The following PACRG variants were observed in gnomAD, a reference collection of about 807,000 sequenced individuals.
The protein encoded by PACRG is parkin coregulated.
A neutral mutation model predicts 29.7 loss-of-function variants in PACRG; 29 were observed. The observed-to-expected ratio is 0.98, with a 90% CI of 0.73 to 1.33. PACRG has a LOEUF of 1.33. Among genes scored for constraint, PACRG ranks in the 40% most tolerant of loss-of-function variants. PACRG has a pLI of 0.00. For synonymous variants in PACRG, 116 were observed against 118.7 expected, an observed-to-expected ratio of 0.98 and a Z score of 0.15; for missense variants, 279 against 316.2, an observed-to-expected ratio of 0.88 and a Z score of 0.89.
intron 2 of PACRG, among the ~76,000 whole-genome samples, chr6:163,001,436 G>C (rs1157361009): frequency 1.3e-5 from 2 of 152,160 alleles, no homozygotes; most frequent in Admixed American, 1.3e-4. Context: ...GGTGAGCCAA[G>C]AGTTTTTTAT....
chr6:162,855,603 G>C (rs1791322419), intron 2 of PACRG, among the ~76,000 whole-genome samples: 1 of 152,130 alleles, frequency 6.6e-6, no homozygotes, highest in South Asian at 2.1e-4. Flanking sequence ...AGACAACAGA[G>C]AGATCAGAGA....
At chr6:163,127,614 A>G (rs1489950897) in intron 4 of PACRG, among the ~76,000 whole-genome samples, 2 of 152,230 alleles carry the variant, frequency 1.3e-5, no homozygotes, top group Non-Finnish European at 2.9e-5. Flanking sequence ...TTCCTGGGCT[A>G]TAGAATTAGG....
At chr6:163,308,928 C>T (rs1785296664) in intron 4 of PACRG, among the ~76,000 whole-genome samples, 1 of 152,196 alleles carries the variant, frequency 6.6e-6, no homozygotes, top group Non-Finnish European at 1.5e-5. Context: ...AATCCTTTTA[C>T]TTGGGCCTTA....
At chr6:163,058,842 G>C (rs1180640100) in intron 2 of PACRG, among the ~76,000 whole-genome samples, 1 of 152,216 alleles carries the variant, frequency 6.6e-6, no homozygotes, top group African/African-American at 2.4e-5. Context: ...AGAGCTTGCA[G>C]TGAGCCGAGC....
chr6:163,107,114 G>T lies in PACRG; in HGVS notation c.613+17706G>T, dbSNP rs1815426269. Among the ~76,000 whole-genome samples, 2 of 151,886 alleles carry T rather than the reference G, an allele frequency of 1.3e-5. 1 individual carries two copies. Among genetic ancestry groups the T allele is most frequent in the South Asian group, 4.2e-4 (2 of 4,812 alleles). ...AGAGAGAGGGAGAGAAATAGATAAA[G>T]GAAAAAGAAGGTCAGTGAATATGAT... On this transcript the variant is annotated intron_variant, in intron 4 of 4. Transcript: ENST00000366888.
intron 4 of PACRG, among the ~76,000 whole-genome samples, chr6:163,273,391 C>A (rs1192273788): frequency 6.6e-6 from 1 of 152,002 alleles, no homozygotes; most frequent in East Asian, 1.9e-4. Context: ...GTTGTTGTTT[C>A]CCTAAGCTCT....
At chr6:162,801,121 A>T (rs1318034844) in intron 1 of PACRG, among the ~76,000 whole-genome samples, 3 of 151,922 alleles carry the variant, frequency 2.0e-5, no homozygotes, top group Non-Finnish European at 4.4e-5. Context: ...AATATTTGTC[A>T]ATTTTCTTTT....
intron 2 of PACRG, among the ~76,000 whole-genome samples, chr6:162,945,815 G>A (rs1386262263): frequency 1.3e-5 from 2 of 151,978 alleles, no homozygotes; most frequent in Admixed American, 1.3e-4. Flanking sequence ...AGACCACAAT[G>A]AAATCAAACT....
At chr6:163,108,954 T>A (rs1389606024) in intron 4 of PACRG, among the ~76,000 whole-genome samples, 1 of 152,212 alleles carries the variant, frequency 6.6e-6, no homozygotes, top group Non-Finnish European at 1.5e-5. Context: ...TAAAGTCGCT[T>A]GTTTCTTCAG....
chr6:163,177,050 G>A (rs939157394), intron 4 of PACRG, among the ~76,000 whole-genome samples: 1 of 152,162 alleles, frequency 6.6e-6, no homozygotes, highest in African/African-American at 2.4e-5. Context: ...GACTGTTGCT[G>A]TATCCGGGAC....
chr6:163,208,057 C>T (rs1392948204), intron 4 of PACRG, among the ~76,000 whole-genome samples: 1 of 152,222 alleles, frequency 6.6e-6, no homozygotes, highest in East Asian at 1.9e-4. Context: ...CTTCTCTCTT[C>T]ACAGTTGTCT....
At chr6:163,101,294 T>G (rs1255115658) in intron 4 of PACRG, 1 of 982,752 alleles carries the variant, frequency 1.0e-6, no homozygotes, top group East Asian at 1.1e-4. Flanking sequence ...GATTATTGCC[T>G]GGTAATTTTC....
intron 3 of PACRG, among the ~76,000 whole-genome samples, chr6:163,086,686 A>G (rs2128297531): frequency 6.6e-6 from 1 of 152,208 alleles, no homozygotes; most frequent in East Asian, 2.0e-4. Flanking sequence ...TCCAGAGGAA[A>G]TGGCTGTGAA....
At chr6:163,135,611 T>C (rs1816903412) in intron 4 of PACRG, among the ~76,000 whole-genome samples, 1 of 152,254 alleles carries the variant, frequency 6.6e-6, no homozygotes, top group Non-Finnish European at 1.5e-5. Flanking sequence ...ATTCGGGAAA[T>C]CTTCTTCCGC....
At chr6:163,313,155 T>C (rs1047397545) in intron 4 of PACRG, among the ~76,000 whole-genome samples, 15 of 151,960 alleles carry the variant, frequency 9.9e-5, no homozygotes, top group Admixed American at 5.9e-4. Context: ...ATGATCAAAC[T>C]TTAAATAAAT....
At position 162,923,337 on chromosome 6, in the gene PACRG, C is replaced by T. The variant is rs553612845; in HGVS notation, c.291+109056C>T. Among the ~76,000 whole-genome samples, 7 of 152,252 alleles carry T rather than the reference C, an allele frequency of 4.6e-5. 1 individual carries two copies. Among genetic ancestry groups the T allele is most frequent in the East Asian group, 1.9e-4 (1 of 5,184 alleles). ...CTATTCTGCAGATTGTCTCTTCACT[C>T]TATTGACTGCCTCTTTAGTTTGATA... On this transcript the variant is annotated intron_variant, in intron 2 of 4. Coordinates refer to ENST00000366888, the MANE Select transcript of PACRG (RefSeq NM_001080379.2).
chr6:163,067,606 A>T (rs1229413489), intron 3 of PACRG, among the ~76,000 whole-genome samples: 1 of 152,238 alleles, frequency 6.6e-6, no homozygotes, highest in Non-Finnish European at 1.5e-5. Flanking sequence ...TAGAAATACA[A>T]CAAGAGGACA....
chr6:162,766,298 A>G (rs1308266932), intron 1 of PACRG, among the ~76,000 whole-genome samples: 1 of 152,112 alleles, frequency 6.6e-6, no homozygotes, highest in Non-Finnish European at 1.5e-5. Context: ...CATGCAAGTG[A>G]GTGCATATGG....
intron 2 of PACRG, among the ~76,000 whole-genome samples, chr6:162,979,801 T>C (rs975620489): frequency 2.0e-5 from 3 of 152,114 alleles, no homozygotes; most frequent in African/African-American, 4.8e-5. Context: ...CAGCAAAGAA[T>C]ACTAAAGATA....
Sources: allele counts gnomAD v4.1 joint callset (sites outside exome capture counted in the v4.1 genomes callset), GRCh38; gene constraint gnomAD v4.1.1; transcripts MANE v1.5; gene names NCBI Gene and HGNC (gene_info 2026-07-23, HGNC 2026-07-21).